The following C12orf42 variants were observed in gnomAD, a reference collection of about 807,000 sequenced individuals.
C12orf42 encodes the protein chromosome 12 open reading frame 42.
Under a neutral mutation model 21.6 loss-of-function variants are expected in C12orf42, and 25 were observed. That is an observed-to-expected ratio of 1.16 (90% CI 0.84 to 1.62). The LOEUF (loss-of-function observed/expected upper bound fraction) is 1.62. C12orf42 is among the 40% of genes most tolerant of loss of function. C12orf42 has a pLI of 0.00. For synonymous variants in C12orf42, 174 were observed against 175.0 expected (o/e 0.99, Z 0.05); for missense variants, 483 against 459.3 (o/e 1.05, Z -0.47).
the C12orf42 span, among the ~76,000 whole-genome samples, chr12:103,119,705 T>C: frequency 1.1e-4 from 16 of 152,342 alleles, no homozygotes; most frequent in African/African-American, 3.1e-4. Context: ...ACCTGGCATA[T>C]ATGAAACATT....
At chr12:103,084,122 C>T in the C12orf42 span, among the ~76,000 whole-genome samples, 1 of 152,086 alleles carries the variant, frequency 6.6e-6, no homozygotes, top group East Asian at 1.9e-4. Flanking sequence ...TGTAGTATTT[C>T]TGTGATATAA....
chr12:103,226,638 G>T, the C12orf42 span, among the ~76,000 whole-genome samples: 1 of 152,196 alleles, frequency 6.6e-6, no homozygotes, highest in African/African-American at 2.4e-5. Flanking sequence ...CTGTAAGCCC[G>T]ACCAGGTGTG....
At chr12:103,486,419 T>C (rs1196246054) in intron 1 of C12orf42, among the ~76,000 whole-genome samples, 2 of 152,136 alleles carry the variant, frequency 1.3e-5, no homozygotes, top group Admixed American at 1.3e-4. Context: ...ATCAGGGATA[T>C]GGGGCTAAAA....
chr12:103,447,621 A>G (rs1005645001), intron 2 of C12orf42, among the ~76,000 whole-genome samples: 5 of 152,066 alleles, frequency 3.3e-5, no homozygotes, highest in African/African-American at 7.2e-5. Flanking sequence ...CATGTACACA[A>G]ATGAGTAGCT....
downstream of C12orf42, among the ~76,000 whole-genome samples, chr12:103,299,610 C>A (rs1222607332): frequency 6.6e-6 from 1 of 152,134 alleles, no homozygotes; most frequent in Non-Finnish European, 1.5e-5. Context: ...TAACTCAGAA[C>A]CTGTGAAACA....
the C12orf42 span, among the ~76,000 whole-genome samples, chr12:103,210,985 G>A: frequency 6.6e-6 from 1 of 152,092 alleles, no homozygotes; most frequent in Non-Finnish European, 1.5e-5. Context: ...ACTCCATCTT[G>A]TAAAATCTCC....
In C12orf42 at chr12:103,277,394, G is replaced by T. The variant is rs201317206; in HGVS notation, n.338-184C>A. Among the ~76,000 whole-genome samples, 15 of 152,188 alleles carry T rather than the reference G, an allele frequency of 9.9e-5. No individual in the cohort carries two copies. In the East Asian group the frequency reaches 2.1e-3, roughly 22 times the overall value. ...ACATTTCTGCAAATCTCTAATGTTT[G>T]GTTAAACTATCGTATCTGCTTCTGC... On this transcript the variant is annotated intron_variant and non_coding_transcript_variant, in intron 4 of 6. Coordinates refer to the C12orf42 transcript ENST00000546526.
intron 4 of C12orf42, among the ~76,000 whole-genome samples, chr12:103,347,673 C>G (rs2042748852): frequency 6.6e-6 from 1 of 152,096 alleles, no homozygotes; most frequent in African/African-American, 2.4e-5. Flanking sequence ...GAGAAATACA[C>G]TATGCTTGAT....
chr12:103,535,421 T>C, the C12orf42 span, among the ~76,000 whole-genome samples: 1 of 151,840 alleles, frequency 6.6e-6, no homozygotes, highest in African/African-American at 2.4e-5. Flanking sequence ...ACCCAGCTTT[T>C]TTTTTTTAAA....
chr12:103,068,955 AT>A, the C12orf42 span, among the ~76,000 whole-genome samples: 8 of 81,060 alleles, frequency 9.9e-5, 2 homozygotes, highest in Non-Finnish European at 1.9e-4. Flanking sequence ...ATATATATAT[AT>A]ATATATATAT....
At chr12:103,513,809 G>C in the C12orf42 span, among the ~76,000 whole-genome samples, 1 of 152,052 alleles carries the variant, frequency 6.6e-6, no homozygotes, top group Non-Finnish European at 1.5e-5. Flanking sequence ...ATTAATAAGA[G>C]CCAGTGTCTG....
At chr12:103,416,984 G>A (rs989553358) in intron 2 of C12orf42, among the ~76,000 whole-genome samples, 3 of 152,120 alleles carry the variant, frequency 2.0e-5, no homozygotes, top group Non-Finnish European at 4.4e-5. Context: ...TTCAAACATG[G>A]ACTTTGATAA....
At chr12:103,398,171 G>A (rs1020591601) in intron 3 of C12orf42, among the ~76,000 whole-genome samples, 1 of 152,148 alleles carries the variant, frequency 6.6e-6, no homozygotes, top group African/African-American at 2.4e-5. Context: ...CTATACCTTT[G>A]TCAACACTTT....
chr12:103,268,646 G>T (rs759124313), exon 7 of C12orf42: 1 of 151,988 alleles, frequency 6.6e-6, no homozygotes, highest in African/African-American at 2.4e-5. Flanking sequence ...ATTTTTCCCC[G>T]ATTCAAAGAG....
the C12orf42 span, among the ~76,000 whole-genome samples, chr12:103,518,795 C>A: frequency 6.6e-6 from 1 of 152,124 alleles, no homozygotes; most frequent in Non-Finnish European, 1.5e-5. Flanking sequence ...TTTATTATTT[C>A]TTTTACATCC....
Position 103,407,469 on chromosome 12 carries a change from T to C in C12orf42, c.79-5794A>G, listed in dbSNP as rs531048679. 2.6e-5 allele frequency among the ~76,000 whole-genome samples: 4 copies of C among 152,282 alleles called. No homozygotes were observed. The South Asian group carries it at 8.3e-4, about 32-fold the overall frequency. On this transcript the variant is annotated intron_variant, in intron 2 of 5. Transcript: ENST00000548883. ...ATGTAAAGACAATAAGGATGAAGAC[T>C]TTCATGATGGTTCACTTCTACTTAA...
chr12:103,232,930 TG>T (rs559168235), downstream of C12orf42, among the ~76,000 whole-genome samples: 14 of 152,146 alleles, frequency 9.2e-5, 1 homozygote, highest in South Asian at 2.5e-3. Context: ...TTGTACCTAT[TG>T]GGGGGGTATA....
chr12:103,291,152 TA>T (rs2036793101), intron 4 of C12orf42, among the ~76,000 whole-genome samples: 1 of 152,174 alleles, frequency 6.6e-6, no homozygotes, highest in Non-Finnish European at 1.5e-5. Context: ...AAAGAAAACT[TA>T]GAAGTCCATC....
intron 1 of C12orf42, among the ~76,000 whole-genome samples, chr12:103,493,162 C>A (rs576523443): frequency 6.6e-6 from 1 of 152,178 alleles, no homozygotes; most frequent in African/African-American, 2.4e-5. Flanking sequence ...TAAATTCAGT[C>A]ACATAGATCC....
Sources: gnomAD v4.1 joint callset for allele counts (sites outside exome capture counted in the v4.1 genomes callset) on GRCh38, gnomAD v4.1.1 for gene constraint, MANE v1.5 for transcripts, NCBI Gene and HGNC (gene_info 2026-07-23, HGNC 2026-07-21) for gene names.